WNT7A: variants seen among roughly 807,000 people sequenced by gnomAD.
WNT7A encodes the protein protein Wnt-7a.
WNT7A carries 16 observed loss-of-function variants against 28.2 expected under a neutral mutation model. That is an observed-to-expected ratio of 0.57 (90% CI 0.38 to 0.86). WNT7A has a LOEUF of 0.86. Ranked by LOEUF, WNT7A falls within the 40% of genes least tolerant of loss-of-function variation. WNT7A has a pLI of 0.00. For synonymous variants in WNT7A, 190 were observed against 195.9 expected (o/e 0.97, Z 0.25); for missense variants, 411 against 489.7 (o/e 0.84, Z 1.52).
intron 3 of WNT7A, among the ~76,000 whole-genome samples, chr3:13,824,527 A>C (rs1451535923): frequency 3.9e-5 from 6 of 152,102 alleles, no homozygotes; most frequent in African/African-American, 1.4e-4. Flanking sequence ...GTCTCTTTCT[A>C]AACTCTCCTT....
rs1018494371 is a variant in WNT7A at position 13,819,104 on chromosome 3, G to A, written c.890C>T (p.Thr297Met). ...VGTQGRACNK[T>M]APQASGCDLM... Reference sequence around the variant, plus strand: ...GTCACAGCCGCTGGCCTGGGGAGCCGTCTTGTTGCAGGCGCGGCCCTGGGT... The same window carrying A: ...GTCACAGCCGCTGGCCTGGGGAGCCATCTTGTTGCAGGCGCGGCCCTGGGT... Residue 297 changes from threonine to methionine, a missense_variant, in exon 4 of 4, where the codon ACG (threonine) becomes ATG (methionine). Thr to Met is a moderately conservative substitution (Grantham distance 81). Coordinates refer to ENST00000285018, the MANE Select transcript of WNT7A (RefSeq NM_004625.4). 1.2e-5 allele frequency: 19 copies of A among 1,614,016 alleles called. No individual in the cohort carries two copies. The highest frequency in any genetic ancestry group is 1.6e-5 in the Non-Finnish European group (19 of 1,180,026).
chr3:13,836,272 C>T (rs1694368803), intron 3 of WNT7A, among the ~76,000 whole-genome samples: 1 of 151,716 alleles, frequency 6.6e-6, no homozygotes, highest in Non-Finnish European at 1.5e-5. Flanking sequence ...CCATGGAGCA[C>T]AGCTGCTCGT....
intron 3 of WNT7A, among the ~76,000 whole-genome samples, chr3:13,852,619 G>C (rs4257529): frequency 0.15 from 22,619 of 152,160 alleles, 1,944 homozygotes; most frequent in Middle Eastern, 0.24. Context: ...TGCCCTCGTC[G>C]GGGCCCTTGG....
chr3:13,833,223 C>T (rs1470766244), intron 3 of WNT7A, among the ~76,000 whole-genome samples: 1 of 152,224 alleles, frequency 6.6e-6, no homozygotes, highest in African/African-American at 2.4e-5. Flanking sequence ...ACTCTTACGC[C>T]TGTGCGCACA....
At chr3:13,878,867 G>A (rs1224245502) in intron 1 of WNT7A, among the ~76,000 whole-genome samples, 1 of 152,100 alleles carries the variant, frequency 6.6e-6, no homozygotes, top group Non-Finnish European at 1.5e-5. Flanking sequence ...TAAGTACAAA[G>A]GGTGACCGGC....
chr3:13,870,519 G>A (rs763266057), intron 2 of WNT7A, among the ~76,000 whole-genome samples: 3 of 152,168 alleles, frequency 2.0e-5, no homozygotes, highest in Non-Finnish European at 4.4e-5. Flanking sequence ...TAGTACACTC[G>A]TGAGCAGTTC....
chr3:13,868,533 GAGGGA>G (rs200644159), intron 2 of WNT7A, among the ~76,000 whole-genome samples: 16 of 141,008 alleles, frequency 1.1e-4, no homozygotes, highest in East Asian at 8.4e-4. Context: ...AGGTGGGAGG[GAGGGA>G]AGGGAAGGGA....
rs377218159 is a variant in WNT7A at position 13,856,920 on chromosome 3, G to A, written c.299-2117C>T. The stretch of plus-strand genomic sequence containing the variant: ...AGAAGAAGAAGAAGAAGAAGAAGAA[G>A]AAGAAGAAGAAGAAGAAGAAGAAGA... On this transcript the variant is annotated intron_variant, in intron 2 of 3. Coordinates refer to ENST00000285018, the MANE Select transcript of WNT7A (RefSeq NM_004625.4). Among the ~76,000 whole-genome samples the A allele has an allele frequency of 4.5e-3, 430 of 94,812 alleles. 4 individuals are homozygous for A. Among genetic ancestry groups the A allele is most frequent in the Middle Eastern group, 0.014 (3 of 214 alleles). 62.2% of individuals were successfully genotyped at this position (94,812 alleles called of 152,430 possible). A position where few individuals can be genotyped will look rare whatever the true frequency, so the allele number is the denominator to read the frequency against.
At chr3:13,834,867 T>C (rs1484896533) in intron 3 of WNT7A, among the ~76,000 whole-genome samples, 2 of 152,222 alleles carry the variant, frequency 1.3e-5, no homozygotes, top group Non-Finnish European at 2.9e-5. Flanking sequence ...GCATGTCAAC[T>C]GCCCAGGGGC....
rs1694017488 is a variant in WNT7A at position 13,817,245 on chromosome 3, G to A, written c.*1699C>T. On this transcript the variant is annotated 3_prime_UTR_variant, in exon 4 of 4. Coordinates refer to ENST00000285018, the MANE Select transcript of WNT7A (RefSeq NM_004625.4). ...CTCACATGCAAGCAGAGACTCTGGGGAGCAGCAGATGCAAAGGCATGCAGC... is the reference window on the plus strand; with the variant it reads ...CTCACATGCAAGCAGAGACTCTGGGAAGCAGCAGATGCAAAGGCATGCAGC... The A allele has an allele frequency of 1.3e-5, 2 of 152,208 alleles. No individual in the cohort carries two copies. Among genetic ancestry groups the A allele is most frequent in the South Asian group, 2.1e-4 (1 of 4,832 alleles). 9.4% of individuals were successfully genotyped at this position (152,208 alleles called of 1,614,324 possible). A position where few individuals can be genotyped will look rare whatever the true frequency, so the allele number is the denominator to read the frequency against.
intron 1 of WNT7A, among the ~76,000 whole-genome samples, 196 bp from the exon 2 acceptor site, chr3:13,875,369 C>T (rs907587601): frequency 2.6e-5 from 4 of 152,110 alleles, no homozygotes; most frequent in African/African-American, 4.8e-5. Context: ...TGAATCAATG[C>T]GTATACCCAA....
In WNT7A at chr3:13,829,095, A is replaced by C. The variant is rs866057787; in HGVS notation, c.571-9672T>G. ...GCAACTTCTCCCTTTCTATCTTTGG[A>C]TGCTGTGGTGTAAGAATGTGATTCC... On this transcript the variant is annotated intron_variant, in intron 3 of 3. Coordinates refer to ENST00000285018, the MANE Select transcript of WNT7A (RefSeq NM_004625.4). Among the ~76,000 whole-genome samples, 4 of 152,288 alleles carry C rather than the reference A, an allele frequency of 2.6e-5. No individual in the cohort carries two copies. The South Asian group carries it at 8.3e-4, about 32-fold the overall frequency.
chr3:13,819,039 C>T lies in WNT7A; in HGVS notation c.955G>A (p.Ala319Thr). The T allele has an allele frequency of 5.0e-6, 8 of 1,613,152 alleles. No homozygotes were observed. Among genetic ancestry groups the T allele is most frequent in the Middle Eastern group, 1.7e-4 (1 of 6,060 alleles). Reference sequence around the variant, plus strand: ...TTACAGTTGCACTGCCACACGCGGGCGTACTGGTGGGTGTTGTAGCCACGC... The same window carrying T: ...TTACAGTTGCACTGCCACACGCGGGTGTACTGGTGGGTGTTGTAGCCACGC... ...CGRGYNTHQY[A>T]RVWQCNCKFH... Residue 319 changes from alanine (A) to threonine (T), a missense_variant, in exon 4 of 4, where the codon GCC becomes ACC. Transcript: ENST00000285018.
intron 3 of WNT7A, among the ~76,000 whole-genome samples, chr3:13,841,199 T>C (rs1694451490): frequency 6.6e-6 from 1 of 152,220 alleles, no homozygotes; most frequent in Admixed American, 6.5e-5. Flanking sequence ...GCTGAATGAA[T>C]ATGATTTTCC....
chr3:13,866,192 G>T (rs1251210441), intron 2 of WNT7A, among the ~76,000 whole-genome samples: 1 of 152,246 alleles, frequency 6.6e-6, no homozygotes, highest in Non-Finnish European at 1.5e-5. Context: ...CCTCCACAGG[G>T]ACTGTGCCCT....
At chr3:13,870,534 C>G (rs371819744) in intron 2 of WNT7A, among the ~76,000 whole-genome samples, 19 of 152,338 alleles carry the variant, frequency 1.2e-4, no homozygotes, top group African/African-American at 4.3e-4. Flanking sequence ...CAGTTCCTCT[C>G]CCCTGAGAGA....
At chr3:13,819,959 T>C (rs1024288774) in intron 3 of WNT7A, among the ~76,000 whole-genome samples, 1 of 152,254 alleles carries the variant, frequency 6.6e-6, no homozygotes, top group African/African-American at 2.4e-5. Flanking sequence ...GGCAACATTT[T>C]ACCCAACACC....
chr3:13,843,911 T>C (rs1261732278), intron 3 of WNT7A, among the ~76,000 whole-genome samples: 1 of 152,100 alleles, frequency 6.6e-6, no homozygotes, highest in African/African-American at 2.4e-5. Flanking sequence ...CTTGTCCAGC[T>C]AACTTTTATA....
chr3:13,858,666 C>A (rs768878477), intron 2 of WNT7A, among the ~76,000 whole-genome samples: 2 of 152,150 alleles, frequency 1.3e-5, no homozygotes, highest in Non-Finnish European at 2.9e-5. Context: ...AGCTGGGCTT[C>A]CTCAGCACCC....
Sources: allele counts gnomAD v4.1 joint callset (sites outside exome capture counted in the v4.1 genomes callset), GRCh38; gene constraint gnomAD v4.1.1; transcripts MANE v1.5; gene names NCBI Gene and HGNC (gene_info 2026-07-23, HGNC 2026-07-21).